Variants in STAU2 observed in about 807,000 individuals in gnomAD.
STAU2 encodes the protein double-stranded RNA-binding protein Staufen homolog 2.
In STAU2, 20 loss-of-function variants were observed where a neutral mutation model predicts 65.9. The ratio of observed to expected loss-of-function variants is 0.30; its 90% CI spans 0.21 to 0.44. STAU2 has a LOEUF of 0.44. Ranked by LOEUF, STAU2 falls within the 20% of genes least tolerant of loss-of-function variation. The pLI, the probability that STAU2 is intolerant of heterozygous loss-of-function variation, is 1.00. For missense variants in STAU2, 558 were observed against 683.9 expected, an observed-to-expected ratio of 0.82 and a Z score of 2.05; for synonymous variants, 232 against 233.9, an observed-to-expected ratio of 0.99 and a Z score of 0.07.
At chr8:73,665,805 CCCCTGATATAAAATGCTCAAGT>C (rs1419563879) in intron 6 of STAU2, among the ~76,000 whole-genome samples, 5 of 152,066 alleles carry the variant, frequency 3.3e-5, no homozygotes, top group African/African-American at 9.7e-5. Context: ...GCTGCTCAAG[CCCCTGATATAAAATGCTCAAGT>C]CCCTGATATA....
At chr8:73,442,340 C>A (rs1158950801) in intron 13 of STAU2, among the ~76,000 whole-genome samples, 14 of 125,684 alleles carry the variant, frequency 1.1e-4, no homozygotes, top group African/African-American at 4.4e-4. Context: ...GGCGACAGAG[C>A]GAGACTCCGT....
chr8:73,446,245 G>A (rs921315079), intron 13 of STAU2, among the ~76,000 whole-genome samples: 1 of 152,232 alleles, frequency 6.6e-6, no homozygotes, highest in African/African-American at 2.4e-5. Context: ...TAAAAGCATA[G>A]AGATGGAGAA....
intron 13 of STAU2, among the ~76,000 whole-genome samples, chr8:73,476,665 A>T (rs955088347): frequency 6.6e-6 from 1 of 152,210 alleles, no homozygotes; most frequent in Non-Finnish European, 1.5e-5. Context: ...AAATGAATTA[A>T]CAACGTAAAT....
At chr8:73,715,441 G>A (rs1490570213) in intron 3 of STAU2, among the ~76,000 whole-genome samples, 2 of 121,832 alleles carry the variant, frequency 1.6e-5, no homozygotes, top group African/African-American at 6.0e-5. Context: ...GGGCAACAGA[G>A]TGAGACTGTC....
chr8:73,525,150 C>G (rs1823279371), intron 13 of STAU2, among the ~76,000 whole-genome samples: 1 of 152,210 alleles, frequency 6.6e-6, no homozygotes, highest in Non-Finnish European at 1.5e-5. Context: ...ATTTATTCAT[C>G]TACCAATGTG....
intron 6 of STAU2, among the ~76,000 whole-genome samples, chr8:73,652,002 G>C (rs572296099): frequency 5.9e-5 from 9 of 152,350 alleles, no homozygotes; most frequent in African/African-American, 2.2e-4. Context: ...AGTAAATGAA[G>C]GGTCAGTGTA....
At chr8:73,612,555 C>G (rs1267037263) in intron 9 of STAU2, among the ~76,000 whole-genome samples, 2 of 152,092 alleles carry the variant, frequency 1.3e-5, no homozygotes, top group African/African-American at 2.4e-5. Context: ...TATTTTTAGT[C>G]TACCTTACAT....
At chr8:73,628,953 C>T (rs1287130652) in intron 6 of STAU2, among the ~76,000 whole-genome samples, 1 of 152,078 alleles carries the variant, frequency 6.6e-6, no homozygotes, top group Non-Finnish European at 1.5e-5. Flanking sequence ...TCACATACTC[C>T]CAAAAGTAAC....
At chr8:73,554,148 T>G (rs563857716) in intron 12 of STAU2, among the ~76,000 whole-genome samples, 1 of 152,320 alleles carries the variant, frequency 6.6e-6, no homozygotes, top group South Asian at 2.1e-4. Context: ...CTTGCTTGTC[T>G]CAGTCCCATC....
At chr8:73,448,655 G>C (rs916410652) in intron 13 of STAU2, among the ~76,000 whole-genome samples, 1 of 152,238 alleles carries the variant, frequency 6.6e-6, no homozygotes, top group Non-Finnish European at 1.5e-5. Context: ...AGAAACTGGG[G>C]TCTCAGTGAG....
intron 6 of STAU2, among the ~76,000 whole-genome samples, chr8:73,642,126 T>C (rs542654127): frequency 6.6e-6 from 1 of 152,326 alleles, no homozygotes; most frequent in African/African-American, 2.4e-5. Context: ...TTTGGTTTTG[T>C]TTCTATTTTA....
At chr8:73,725,895 T>G (rs2130728576) in intron 3 of STAU2, among the ~76,000 whole-genome samples, 1 of 152,254 alleles carries the variant, frequency 6.6e-6, no homozygotes, top group South Asian at 2.1e-4. Context: ...ATCGTGCCAC[T>G]GCACTCCAGC....
At chr8:73,552,402 T>C in intron 12 of STAU2, 83 bp from the exon 13 acceptor site, 3 of 1,250,672 alleles carry the variant, frequency 2.4e-6, no homozygotes, top group South Asian at 1.6e-5. Flanking sequence ...ATGGCTTTAC[T>C]TGGTGTAGTA....
chr8:73,691,431 T>C (rs1297033558), intron 4 of STAU2, among the ~76,000 whole-genome samples: 1 of 152,102 alleles, frequency 6.6e-6, no homozygotes, highest in African/African-American at 2.4e-5. Context: ...TTAGCTCCTA[T>C]CTCTAATCTT....
chr8:73,741,229 C>T (rs1362035886), intron 1 of STAU2, among the ~76,000 whole-genome samples: 1 of 145,082 alleles, frequency 6.9e-6, no homozygotes, highest in African/African-American at 2.6e-5. Flanking sequence ...GGCGTGAACC[C>T]GGGAGGCGGA....
At chr8:73,686,848 A>G (rs1308279964) in intron 5 of STAU2, among the ~76,000 whole-genome samples, 3 of 150,746 alleles carry the variant, frequency 2.0e-5, no homozygotes, top group Non-Finnish European at 4.4e-5. Context: ...ACTTAGCAGT[A>G]TTTTACATGC....
intron 6 of STAU2, among the ~76,000 whole-genome samples, chr8:73,648,811 G>A (rs1204502118): frequency 6.6e-6 from 1 of 152,086 alleles, no homozygotes; most frequent in Admixed American, 6.6e-5. Flanking sequence ...GAGTTTTCTT[G>A]TTTTTGTTTT....
At chr8:73,471,844 A>AGAAG (rs1210815596) in intron 13 of STAU2, among the ~76,000 whole-genome samples, 2 of 127,752 alleles carry the variant, frequency 1.6e-5, no homozygotes, top group Non-Finnish European at 3.1e-5. Context: ...AAAAGAGAGA[A>AGAAG]GAAGGAGAAG....
chr8:73,431,938 G>A (rs887351347), intron 13 of STAU2, among the ~76,000 whole-genome samples: 5 of 152,230 alleles, frequency 3.3e-5, no homozygotes. Context: ...GATAATGGCA[G>A]TCTTCATTAG....
Sources: allele counts gnomAD v4.1 joint callset (sites outside exome capture counted in the v4.1 genomes callset), GRCh38; gene constraint gnomAD v4.1.1; transcripts MANE v1.5; gene names NCBI Gene and HGNC (gene_info 2026-07-23, HGNC 2026-07-21).